Variants in RNF220 observed in about 807,000 individuals in gnomAD.
RNF220 encodes E3 ubiquitin-protein ligase RNF220.
RNF220 carries 7 observed loss-of-function variants against 67.1 expected under a neutral mutation model. That is an observed-to-expected ratio of 0.10 (90% CI 0.06 to 0.20). The LOEUF (loss-of-function observed/expected upper bound fraction) is 0.20, where lower values mean the gene tolerates loss of function less well. RNF220 is among the 10% of genes least tolerant of loss of function. The probability of loss-of-function intolerance (pLI) is 1.00; values close to 1 mark genes in which losing one functional copy is unlikely to be tolerated. For missense variants in RNF220, 565 were observed against 740.3 expected (o/e 0.76, Z 2.75); for synonymous variants, 270 against 283.2 (o/e 0.95, Z 0.47).
chr1:44,523,609 TG>T (rs1572763452), intron 2 of RNF220, among the ~76,000 whole-genome samples: 1 of 152,278 alleles, frequency 6.6e-6, no homozygotes, highest in East Asian at 1.9e-4. Context: ...CTAATGGTTA[TG>T]GGGTCAGGTC....
intron 8 of RNF220, among the ~76,000 whole-genome samples, chr1:44,637,902 G>A (rs1184419757): frequency 6.6e-6 from 1 of 152,242 alleles, no homozygotes. Context: ...CAGCTTTCCT[G>A]ATAGAAGCTG....
At chr1:44,598,010 C>T (rs1381341102) in intron 2 of RNF220, among the ~76,000 whole-genome samples, 1 of 151,590 alleles carries the variant, frequency 6.6e-6, no homozygotes, top group Non-Finnish European at 1.5e-5. Flanking sequence ...CACAGGTGTA[C>T]ACTTTGGGAC....
At chr1:44,635,498 G>C in intron 6 of RNF220, 47 bp from the exon 7 acceptor site, 1 of 1,602,046 alleles carries the variant, frequency 6.2e-7, no homozygotes, top group Non-Finnish European at 8.5e-7. Context: ...GGGGGCTGCA[G>C]TGACCGTCTG....
chr1:44,577,565 C>T (rs748862581), intron 2 of RNF220, among the ~76,000 whole-genome samples: 22 of 152,146 alleles, frequency 1.4e-4, no homozygotes, highest in Middle Eastern at 3.2e-3. Flanking sequence ...GAAATAGTGA[C>T]GAACAAAACC....
intron 2 of RNF220, among the ~76,000 whole-genome samples, chr1:44,491,211 G>C (rs1656823692): frequency 6.6e-6 from 1 of 152,046 alleles, no homozygotes; most frequent in African/African-American, 2.4e-5. Flanking sequence ...ACAAGAAAGA[G>C]GGAACCTTTC....
At chr1:44,482,809 C>T (rs2148026937) in intron 2 of RNF220, among the ~76,000 whole-genome samples, 1 of 151,702 alleles carries the variant, frequency 6.6e-6, no homozygotes, top group East Asian at 1.9e-4. Context: ...TTAATAGAGA[C>T]AGGGTTTCAC....
intron 2 of RNF220, among the ~76,000 whole-genome samples, chr1:44,613,166 C>T (rs1392746514): frequency 6.7e-6 from 1 of 148,692 alleles, no homozygotes; most frequent in Non-Finnish European, 1.5e-5. Context: ...GGCTCCTCAA[C>T]CCCACACCTG....
intron 2 of RNF220, among the ~76,000 whole-genome samples, chr1:44,442,300 G>A (rs1035361233): frequency 2.6e-5 from 4 of 151,788 alleles, no homozygotes; most frequent in East Asian, 3.9e-4. Flanking sequence ...GCGCCACCAC[G>A]CCTAGTTAAT....
In RNF220 at chr1:44,606,837, G is replaced by A. The variant is rs1464463484; in HGVS notation, c.626-7328G>A. 6.6e-6 allele frequency among the ~76,000 whole-genome samples: 1 copy of A among 152,136 alleles called. No individual in the cohort carries two copies. The highest frequency in any genetic ancestry group is 2.4e-5 in the African/African-American group (1 of 41,422). ...ACAGAGGACACAGTGGTGAGCTTCG[G>A]TGCTCTATGTCAATGTCTCCCGGGT... On this transcript the variant is annotated intron_variant, in intron 2 of 14. Coordinates refer to ENST00000361799, the MANE Select transcript of RNF220 (RefSeq NM_018150.4). This position sits in a 1 kb window ranked among gnomAD's most constrained non-coding sequence, Gnocchi z 4.2.
chr1:44,554,711 A>G (rs757968650), intron 2 of RNF220, among the ~76,000 whole-genome samples: 11 of 152,132 alleles, frequency 7.2e-5, no homozygotes, highest in Non-Finnish European at 1.5e-5. Flanking sequence ...CCTTGCATGC[A>G]GCCAGGTGGG....
At position 44,552,563 on chromosome 1, in the gene RNF220, C is replaced by CTTTTTTTT. The variant is rs368891059; in HGVS notation, c.626-61600_626-61599insTTTTTTTT. Among the ~76,000 whole-genome samples, 136 of 71,358 alleles carry CTTTTTTTT rather than the reference C, an allele frequency of 1.9e-3. 22 individuals are homozygous for CTTTTTTTT. Among genetic ancestry groups the CTTTTTTTT allele is most frequent in the Non-Finnish European group, 2.5e-3 (94 of 38,058 alleles). 46.8% of individuals were successfully genotyped at this position (71,358 alleles called of 152,430 possible). On this transcript the variant is annotated intron_variant, in intron 2 of 14. Coordinates refer to ENST00000361799, the MANE Select transcript of RNF220 (RefSeq NM_018150.4). ...AATGGCTCCCTGCTATTCTAAACTT[C>CTTTTTTTT]TTCTTTTTTTTTTTTTTTTTTTTTT...
chr1:44,497,141 A>G (rs903089045), intron 2 of RNF220, among the ~76,000 whole-genome samples: 4 of 152,106 alleles, frequency 2.6e-5, no homozygotes, highest in African/African-American at 9.7e-5. Flanking sequence ...CCCCTTTCCA[A>G]TAAATTCTGG....
intron 2 of RNF220, among the ~76,000 whole-genome samples, chr1:44,589,613 C>A (rs77703204): frequency 4.9e-3 from 538 of 109,140 alleles, no homozygotes; most frequent in East Asian, 9.1e-3. Flanking sequence ...GACTGCATCT[C>A]AAAAAAAAAA....
chr1:44,446,926 T>C (rs1174214386), intron 2 of RNF220, among the ~76,000 whole-genome samples: 4 of 152,372 alleles, frequency 2.6e-5, no homozygotes, highest in South Asian at 2.1e-4. Context: ...CACTGTTTCA[T>C]AGACACACCT....
intron 2 of RNF220, among the ~76,000 whole-genome samples, chr1:44,418,759 T>C (rs1359912520): frequency 3.9e-5 from 6 of 152,212 alleles, no homozygotes; most frequent in African/African-American, 1.4e-4. Context: ...ATTTTTATAT[T>C]GGTTTTCTTA....
rs189071915 is a variant in RNF220 at position 44,569,258 on chromosome 1, A to G, written c.626-44907A>G. 2.8e-4 allele frequency among the ~76,000 whole-genome samples: 43 copies of G among 152,320 alleles called. 1 individual carries two copies. Among genetic ancestry groups the G allele is most frequent in the Non-Finnish European group, 2.9e-5 (2 of 68,028 alleles). On this transcript the variant is annotated intron_variant, in intron 2 of 14. Coordinates refer to ENST00000361799, the MANE Select transcript of RNF220 (RefSeq NM_018150.4). ...AAAATTATTATAAAGAATTATTGCC[A>G]TTAGTACGTCTTTCCTACTGAAAGG...
chr1:44,435,787 G>A (rs577721934), intron 2 of RNF220, among the ~76,000 whole-genome samples: 1 of 152,060 alleles, frequency 6.6e-6, no homozygotes, highest in South Asian at 2.1e-4. Context: ...AAAATTATCC[G>A]GGCATGGTGG....
intron 2 of RNF220, among the ~76,000 whole-genome samples, chr1:44,584,611 G>C (rs1477274624): frequency 6.6e-6 from 1 of 152,212 alleles, no homozygotes; most frequent in Non-Finnish European, 1.5e-5. Context: ...CTGGAACGTG[G>C]GGCTCAGGTA....
chr1:44,605,790 G>A (rs1667234738), intron 2 of RNF220, among the ~76,000 whole-genome samples: 2 of 152,156 alleles, frequency 1.3e-5, no homozygotes, highest in Non-Finnish European at 2.9e-5. Context: ...ACTAGCCCCT[G>A]TCCTATCCTT....
Sources: allele counts gnomAD v4.1 joint callset (sites outside exome capture counted in the v4.1 genomes callset), GRCh38; gene constraint gnomAD v4.1.1; non-coding constraint Gnocchi (gnomAD v3.1); transcripts MANE v1.5; gene names NCBI Gene and HGNC (gene_info 2026-07-23, HGNC 2026-07-21).